Variants in SETD3 observed in about 807,000 individuals in gnomAD.
The protein encoded by SETD3 is SET domain containing 3, actin N3(tau)-histidine methyltransferase, also known as actin-histidine N-methyltransferase.
A neutral mutation model predicts 63.0 loss-of-function variants in SETD3; 19 were observed. The ratio of observed to expected loss-of-function variants is 0.30; its 90% CI spans 0.21 to 0.44. SETD3 has a LOEUF of 0.44. Among genes scored for constraint, SETD3 ranks in the 20% least tolerant of loss-of-function variants. The pLI is 1.00. For missense variants in SETD3, 587 were observed against 728.5 expected (o/e 0.81, Z 2.24); for synonymous variants, 286 against 264.1 (o/e 1.08, Z -0.80).
intron 1 of SETD3, among the ~76,000 whole-genome samples, chr14:99,472,677 T>C (rs185934962): frequency 1.3e-5 from 2 of 152,388 alleles, no homozygotes; most frequent in Admixed American, 6.5e-5. Flanking sequence ...ATTAATTATA[T>C]GTGCATACAC....
At chr14:99,414,428 T>G (rs1450247034) in intron 6 of SETD3, among the ~76,000 whole-genome samples, 1 of 152,250 alleles carries the variant, frequency 6.6e-6, no homozygotes, top group Non-Finnish European at 1.5e-5. Flanking sequence ...CTCTCCGACT[T>G]AAGTCATTTC....
upstream of SETD3, among the ~76,000 whole-genome samples, chr14:99,482,819 G>A (rs1896384577): frequency 3.9e-5 from 6 of 152,156 alleles, no homozygotes; most frequent in South Asian, 1.2e-3. Flanking sequence ...CCTATAAAAT[G>A]GGCTAGTTCA....
chr14:99,461,397 C>T lies in SETD3; in HGVS notation c.197-57G>A, dbSNP rs1399465710. On this transcript the variant is annotated intron_variant, in intron 3 of 12. Coordinates refer to ENST00000331768, the MANE Select transcript of SETD3 (RefSeq NM_032233.3). ...CTACTTTTAGGACACATATCATTCA[C>T]ACGTCTCTCAGAAAATAAAAACAGG... 1.5e-5 allele frequency: 23 copies of T among 1,540,688 alleles called. No individual in the cohort carries two copies. In the Admixed American group the frequency reaches 3.9e-4, roughly 26 times the overall value.
upstream of SETD3, among the ~76,000 whole-genome samples, chr14:99,482,080 C>T (rs1012129644): frequency 4.6e-5 from 7 of 152,134 alleles, no homozygotes; most frequent in Non-Finnish European, 8.8e-5. Context: ...AAAATTGGAG[C>T]GTAAGTCTAG....
At chr14:99,407,389 T>C (rs1891741116) in intron 8 of SETD3, among the ~76,000 whole-genome samples, 1 of 152,188 alleles carries the variant, frequency 6.6e-6, no homozygotes, top group Non-Finnish European at 1.5e-5. Flanking sequence ...TTGGACTTTC[T>C]TCCTCATTCC....
intron 9 of SETD3, 58 bp downstream of exon 9, chr14:99,406,458 G>T: frequency 1.4e-6 from 2 of 1,431,464 alleles, no homozygotes; most frequent in South Asian, 1.1e-5. Context: ...TACCAACACG[G>T]TGTTAACGTT....
Position 99,405,499 on chromosome 14 carries a change from C to T in SETD3, c.925-128G>A, listed in dbSNP as rs1484700469. 13 of 1,032,486 alleles carry T rather than the reference C, an allele frequency of 1.3e-5. No homozygotes were observed. The Admixed American group carries it at 2.3e-4, about 18-fold the overall frequency. The allele number at this position is 1,032,486 out of a possible 1,614,324, so 64.0% of individuals were successfully genotyped here. On this transcript the variant is annotated intron_variant, in intron 9 of 12. Coordinates refer to ENST00000331768, the MANE Select transcript of SETD3 (RefSeq NM_032233.3). ...CTAAATAGCTGAAAGTATTGATACA[C>T]CTGTTTGGTATAGGTTGCAAGGGTG...
At chr14:99,484,803 T>A (rs1896444257), upstream of SETD3, among the ~76,000 whole-genome samples, 1 of 152,258 alleles carries the variant, frequency 6.6e-6, no homozygotes. Flanking sequence ...TTGGGTGAGA[T>A]AATTGAGTGG....
At chr14:99,450,850 G>A (rs891528984) in intron 6 of SETD3, among the ~76,000 whole-genome samples, 1 of 152,158 alleles carries the variant, frequency 6.6e-6, no homozygotes, top group Admixed American at 6.5e-5. Context: ...GTTAAACCCT[G>A]TATGCCTGCA....
rs74084333 is a variant in SETD3 at position 99,425,707 on chromosome 14, C to T, written c.676-11773G>A. On this transcript the variant is annotated intron_variant, in intron 6 of 12. Coordinates refer to ENST00000331768, the MANE Select transcript of SETD3 (RefSeq NM_032233.3). ...ATCCAGCTACCTCTTTTGCAAGAAA[C>T]ATAAGACAATGTGGAGTTTAGATTT... 3.0e-3 allele frequency among the ~76,000 whole-genome samples: 462 copies of T among 152,266 alleles called. 1 individual carries two copies. Among genetic ancestry groups the T allele is most frequent in the African/African-American group, 0.011 (441 of 41,538 alleles).
In SETD3 at chr14:99,399,112, A is replaced by G. The variant is rs571766330; in HGVS notation, c.1352T>C (p.Val451Ala). ...YKTTIEEDKS[V>A]LKNHDLSVRA... ...AACAGAAAGATCGTGGTTTTTCAAG[A>G]CGGATTTATCTTCCTGGAAAACAAG... is the stretch of plus-strand genomic sequence containing the variant. Residue 451 changes from valine (V) to alanine (A), a missense_variant, in exon 13 of 13, where the codon GTC becomes GCC. Coordinates refer to ENST00000331768, the MANE Select transcript of SETD3 (RefSeq NM_032233.3). The G allele has an allele frequency of 6.2e-7, 1 of 1,613,320 alleles. No homozygotes were observed. The highest frequency in any genetic ancestry group is 8.5e-7 in the Non-Finnish European group (1 of 1,179,440).
At chr14:99,421,979 C>T (rs775839893) in intron 6 of SETD3, among the ~76,000 whole-genome samples, 3 of 152,062 alleles carry the variant, frequency 2.0e-5, no homozygotes, top group Non-Finnish European at 4.4e-5. Context: ...TTAAAATTCA[C>T]CATAGAGGTA....
Position 99,462,513 on chromosome 14 carries a change from G to C in SETD3, c.196+973C>G, listed in dbSNP as rs866683972. Among the ~76,000 whole-genome samples, 9 of 152,190 alleles carry C rather than the reference G, an allele frequency of 5.9e-5. 1 individual carries two copies. The highest frequency in any genetic ancestry group is 1.3e-4 in the Admixed American group (2 of 15,278). ...ACCAGAATGAGGAATATTCAAAGAC[G>C]GAACTTCCTATTCACTCCTTGAGAA... On this transcript the variant is annotated intron_variant, in intron 3 of 12. Coordinates refer to ENST00000331768, the MANE Select transcript of SETD3 (RefSeq NM_032233.3).
chr14:99,408,564 TAGGG>T (rs1384409811), intron 8 of SETD3, among the ~76,000 whole-genome samples: 1 of 151,930 alleles, frequency 6.6e-6, no homozygotes, highest in Non-Finnish European at 1.5e-5. Context: ...AGAGAAAATT[TAGGG>T]AGATTGTGGA....
chr14:99,432,196 C>G (rs533655960), intron 6 of SETD3, among the ~76,000 whole-genome samples: 73 of 152,286 alleles, frequency 4.8e-4, no homozygotes, highest in Admixed American at 2.2e-3. Flanking sequence ...TCCCTTCTAC[C>G]TGGCAAATGT....
In SETD3 at chr14:99,398,623, A is replaced by T. The variant is rs995612575; in HGVS notation, c.*56T>A. Reference sequence around the variant, plus strand: ...TTAACAAGGAAACACAGCGATGTGAACGGACTGTCCGTCAACTCCTGCTCC... The same window carrying T: ...TTAACAAGGAAACACAGCGATGTGATCGGACTGTCCGTCAACTCCTGCTCC... On this transcript the variant is annotated 3_prime_UTR_variant, in exon 13 of 13. Coordinates refer to ENST00000331768, the MANE Select transcript of SETD3 (RefSeq NM_032233.3). 3.5e-5 allele frequency: 52 copies of T among 1,488,858 alleles called. No homozygotes were observed. Among genetic ancestry groups the T allele is most frequent in the Non-Finnish European group, 8.3e-6 (9 of 1,079,456 alleles). The allele number at this position is 1,488,858 out of a possible 1,614,324, so 92.2% of individuals were successfully genotyped here.
intron 11 of SETD3, among the ~76,000 whole-genome samples, chr14:99,401,232 T>A (rs1891372281): frequency 6.6e-6 from 1 of 152,104 alleles, no homozygotes; most frequent in African/African-American, 2.4e-5. Context: ...TACACACAAG[T>A]GAACATCTCA....
chr14:99,400,665 G>A (rs1330612465), intron 11 of SETD3, among the ~76,000 whole-genome samples: 1 of 152,152 alleles, frequency 6.6e-6, no homozygotes, highest in Non-Finnish European at 1.5e-5. Flanking sequence ...GGTGAACGAT[G>A]TAAACGGTGA....
chr14:99,483,385 CAA>C (rs975779136), upstream of SETD3, among the ~76,000 whole-genome samples: 3 of 148,472 alleles, frequency 2.0e-5, no homozygotes, highest in Non-Finnish European at 3.0e-5. Context: ...CTCACCACTA[CAA>C]AAAAAAAATC....
Sources: gnomAD v4.1 joint callset for allele counts (sites outside exome capture counted in the v4.1 genomes callset) on GRCh38, gnomAD v4.1.1 for gene constraint, MANE v1.5 for transcripts, NCBI Gene and HGNC (gene_info 2026-07-23, HGNC 2026-07-21) for gene names.